The following SH3RF3 variants were observed in gnomAD, a reference collection of about 807,000 sequenced individuals.
SH3RF3 encodes E3 ubiquitin-protein ligase SH3RF3.
SH3RF3 carries 29 observed loss-of-function variants against 66.3 expected under a neutral mutation model. The ratio of observed to expected loss-of-function variants is 0.44; its 90% CI spans 0.33 to 0.60. The LOEUF is 0.60. SH3RF3 is among the 20% of genes least tolerant of loss of function. The probability of loss-of-function intolerance (pLI) is 0.04; values close to 1 mark genes in which losing one functional copy is unlikely to be tolerated. For synonymous variants in SH3RF3, 583 were observed against 532.0 expected (o/e 1.10, Z -1.32); for missense variants, 1,194 against 1,190.9 (o/e 1.00, Z -0.04).
chr2:109,136,598 A>G (rs1469410132), intron 1 of SH3RF3, among the ~76,000 whole-genome samples: 3 of 152,146 alleles, frequency 2.0e-5, no homozygotes, highest in South Asian at 2.1e-4. Context: ...CTTGGAGGCC[A>G]TTTAGAGCTG....
chr2:109,236,040 CTTACT>C (rs151057896), intron 1 of SH3RF3, among the ~76,000 whole-genome samples: 171 of 149,668 alleles, frequency 1.1e-3, no homozygotes, highest in African/African-American at 4.1e-3. Flanking sequence ...GCTCACTGCC[CTTACT>C]TTAAGAGGCT....
At chr2:109,455,893 C>T (rs1420190619) in intron 8 of SH3RF3, among the ~76,000 whole-genome samples, 1 of 152,216 alleles carries the variant, frequency 6.6e-6, no homozygotes, top group African/African-American at 2.4e-5. Context: ...GAGGGGCCTG[C>T]TGTCACCTGC....
At chr2:109,218,359 A>C (rs1679150324) in intron 1 of SH3RF3, among the ~76,000 whole-genome samples, 1 of 152,196 alleles carries the variant, frequency 6.6e-6, no homozygotes, top group African/African-American at 2.4e-5. Flanking sequence ...CTTTCAATTC[A>C]AAATATGGGC....
chr2:109,408,156 A>T (rs2104474049), intron 4 of SH3RF3, among the ~76,000 whole-genome samples: 1 of 152,250 alleles, frequency 6.6e-6, no homozygotes, highest in Middle Eastern at 3.4e-3. Flanking sequence ...GCAGGGATCC[A>T]CAGAGGGTTG....
chr2:109,410,551 C>T (rs575531917), intron 4 of SH3RF3, among the ~76,000 whole-genome samples: 8 of 152,348 alleles, frequency 5.3e-5, no homozygotes, highest in Non-Finnish European at 1.2e-4. Flanking sequence ...CACTACTGGG[C>T]TCATGTGAAA....
intron 1 of SH3RF3, among the ~76,000 whole-genome samples, chr2:109,314,168 C>T (rs1249428932): frequency 3.9e-5 from 6 of 152,084 alleles, no homozygotes; most frequent in Non-Finnish European, 8.8e-5. Context: ...TGGTCTGTGT[C>T]CCGGGAGACC....
At chr2:109,450,357 AAG>A (rs1259022758) in intron 8 of SH3RF3, among the ~76,000 whole-genome samples, 3 of 111,580 alleles carry the variant, frequency 2.7e-5, no homozygotes, top group African/African-American at 7.9e-5. Flanking sequence ...AAAAAAAAAA[AAG>A]AAAAAGAAAG....
intron 1 of SH3RF3, among the ~76,000 whole-genome samples, chr2:109,141,774 G>A: frequency 6.6e-6 from 1 of 152,190 alleles, no homozygotes; most frequent in East Asian, 1.9e-4. Context: ...TCAACAGGAG[G>A]GGGTACTGGT....
intron 8 of SH3RF3, among the ~76,000 whole-genome samples, chr2:109,490,390 GGT>G (rs1679098129): frequency 6.6e-6 from 1 of 152,138 alleles, no homozygotes; most frequent in Non-Finnish European, 1.5e-5. Flanking sequence ...GGCCCTCACT[GGT>G]TCACCCGTGG....
At chr2:109,325,327 CTTTCTTTTTTTTT>C (rs1682127361) in intron 1 of SH3RF3, among the ~76,000 whole-genome samples, 1 of 110,274 alleles carries the variant, frequency 9.1e-6, no homozygotes, top group African/African-American at 3.6e-5. Context: ...TTCTTTCTTT[CTTTCTTTTTTTTT>C]TTTTTTTTTT....
chr2:109,360,596 G>T (rs74381932), intron 2 of SH3RF3, among the ~76,000 whole-genome samples: 2,753 of 152,232 alleles, frequency 0.018, 80 homozygotes, highest in African/African-American at 0.057. Flanking sequence ...AACACTTTTG[G>T]TCTCAAGCAT....
At chr2:109,296,120 T>G (rs528634321) in intron 1 of SH3RF3, among the ~76,000 whole-genome samples, 1 of 152,158 alleles carries the variant, frequency 6.6e-6, no homozygotes, top group Non-Finnish European at 1.5e-5. Flanking sequence ...TTCACTGTTC[T>G]CTACGTCTGT....
intron 1 of SH3RF3, among the ~76,000 whole-genome samples, chr2:109,178,550 A>G (rs543663745): frequency 9.9e-5 from 15 of 151,976 alleles, no homozygotes; most frequent in East Asian, 3.8e-4. Flanking sequence ...ATTTATGTCA[A>G]CTCTTTAACC....
chr2:109,130,565 G>A (rs1166278854), intron 1 of SH3RF3, among the ~76,000 whole-genome samples: 2 of 152,130 alleles, frequency 1.3e-5, no homozygotes, highest in South Asian at 2.1e-4. Context: ...TCCTGCCTGC[G>A]GTGTGGCTAA....
chr2:109,427,571 G>A lies in SH3RF3; in HGVS notation c.1404-4930G>A, dbSNP rs916110459. 2.0e-5 allele frequency among the ~76,000 whole-genome samples: 3 copies of A among 152,260 alleles called. No individual in the cohort carries two copies. The South Asian group carries it at 6.2e-4, about 32-fold the overall frequency. On this transcript the variant is annotated intron_variant, in intron 5 of 9. Coordinates refer to ENST00000309415, the MANE Select transcript of SH3RF3 (RefSeq NM_001099289.3). ...GTTCCAGGTGAGGCCAGTACCACTG[G>A]CCCAGGTTCACACTTCGGGAGTCCC...
intron 9 of SH3RF3, among the ~76,000 whole-genome samples, chr2:109,495,477 CTTTTTTTTTTTTT>C (rs569509984): frequency 3.8e-4 from 36 of 94,288 alleles, no homozygotes; most frequent in South Asian, 2.6e-3. Flanking sequence ...TCTTTCATTC[CTTTTTTTTTTTTT>C]TTTTTTTTTT....
chr2:109,321,303 T>A (rs1211315583), intron 1 of SH3RF3, among the ~76,000 whole-genome samples: 3 of 152,236 alleles, frequency 2.0e-5, no homozygotes, highest in African/African-American at 7.2e-5. Flanking sequence ...CTTAATTTAG[T>A]AAATTGGTAG....
At chr2:109,415,326 AAAT>A (rs1676693749) in intron 4 of SH3RF3, among the ~76,000 whole-genome samples, 1 of 152,240 alleles carries the variant, frequency 6.6e-6, no homozygotes, top group South Asian at 2.1e-4. Context: ...CCTGAGTTCA[AAAT>A]AATAAGCAGG....
chr2:109,208,016 G>T (rs558621751), intron 1 of SH3RF3, among the ~76,000 whole-genome samples: 1 of 152,310 alleles, frequency 6.6e-6, no homozygotes, highest in Admixed American at 6.5e-5. Context: ...TTTAAAAGAA[G>T]AAGAAACTTT....
Sources: allele counts gnomAD v4.1 joint callset (sites outside exome capture counted in the v4.1 genomes callset), GRCh38; gene constraint gnomAD v4.1.1; transcripts MANE v1.5; gene names NCBI Gene and HGNC (gene_info 2026-07-23, HGNC 2026-07-21).